Variants in CNTN4 observed in about 807,000 individuals in gnomAD.
CNTN4 encodes the protein contactin-4.
A neutral mutation model predicts 122.5 loss-of-function variants in CNTN4; 77 were observed. The ratio of observed to expected loss-of-function variants is 0.63; its 90% CI spans 0.52 to 0.76. The LOEUF is 0.76. Among genes scored for constraint, CNTN4 ranks in the 30% least tolerant of loss-of-function variants. CNTN4 has a pLI of 0.00. For synonymous variants in CNTN4, 512 were observed against 447.0 expected (o/e 1.15, Z -1.83); for missense variants, 1,256 against 1,259.1 (o/e 1.00, Z 0.04).
At chr3:2,215,472 C>T (rs1302978962) in intron 2 of CNTN4, among the ~76,000 whole-genome samples, 4 of 152,202 alleles carry the variant, frequency 2.6e-5, no homozygotes, top group Non-Finnish European at 5.9e-5. Flanking sequence ...TTCTCTAGGG[C>T]ATATTCCCAC....
chr3:2,616,638 CT>C (rs754312309), intron 4 of CNTN4, among the ~76,000 whole-genome samples: 1 of 152,094 alleles, frequency 6.6e-6, no homozygotes, highest in Non-Finnish European at 1.5e-5. Flanking sequence ...TCACCAGCGT[CT>C]ATTGTTTCTT....
intron 3 of CNTN4, among the ~76,000 whole-genome samples, chr3:2,501,915 G>T (rs974986603): frequency 6.6e-6 from 1 of 152,082 alleles, no homozygotes; most frequent in African/African-American, 2.4e-5. Context: ...CTTTCTGATG[G>T]TTCAGTGTAC....
At chr3:2,758,389 T>C (rs1047941272) in intron 6 of CNTN4, among the ~76,000 whole-genome samples, 4 of 152,132 alleles carry the variant, frequency 2.6e-5, no homozygotes, top group African/African-American at 9.7e-5. Context: ...TCTATTTCCT[T>C]AAACAAAGAA....
chr3:2,670,362 CT>C lies in CNTN4; in HGVS notation c.56-65849del, dbSNP rs1475341240. 1.1e-3 allele frequency among the ~76,000 whole-genome samples: 166 copies of C among 152,220 alleles called. 1 individual carries two copies. Among genetic ancestry groups the C allele is most frequent in the Middle Eastern group, 6.8e-3 (2 of 294 alleles). ...CATTATGTAATGGCCTTCTTTGTCTCTTTTGATCTTTGTTGGTTTAAAGTCT... is the reference window on the plus strand; with the variant it reads ...CATTATGTAATGGCCTTCTTTGTCTCTTTGATCTTTGTTGGTTTAAAGTCT... On this transcript the variant is annotated intron_variant, in intron 4 of 24. Transcript: ENST00000418658.
chr3:2,966,430 A>G (rs1692316244), intron 13 of CNTN4, among the ~76,000 whole-genome samples: 1 of 152,196 alleles, frequency 6.6e-6, no homozygotes, highest in Non-Finnish European at 1.5e-5. Flanking sequence ...GCTAAAAATT[A>G]AAACAATTGA....
chr3:2,677,472 C>CTA (rs1308902188), intron 4 of CNTN4, among the ~76,000 whole-genome samples: 1 of 32,220 alleles, frequency 3.1e-5, no homozygotes, highest in Admixed American at 3.5e-4. Context: ...ATCTATCCAT[C>CTA]TATCCATCTA....
At position 2,811,561 on chromosome 3, in the gene CNTN4, C is replaced by T. The variant is rs183074567; in HGVS notation, c.359-7925C>T. ...CTGCAAGCTCCACCTCCTGGGTTCA[C>T]GCCATTCTCCTGCCTCAGCGTCCCG... On this transcript the variant is annotated intron_variant, in intron 6 of 24. Transcript: ENST00000418658. Among the ~76,000 whole-genome samples the T allele has an allele frequency of 4.1e-3, 618 of 150,738 alleles. 7 individuals carry two copies. Among genetic ancestry groups the T allele is most frequent in the African/African-American group, 0.014 (593 of 41,066 alleles).
At chr3:2,494,192 G>A (rs1450595264) in intron 3 of CNTN4, among the ~76,000 whole-genome samples, 3 of 152,124 alleles carry the variant, frequency 2.0e-5, no homozygotes, top group African/African-American at 7.2e-5. Context: ...CAAGGCCTAA[G>A]GCACAGTCTC....
At chr3:2,270,570 A>G (rs1020582076) in intron 2 of CNTN4, among the ~76,000 whole-genome samples, 4 of 152,068 alleles carry the variant, frequency 2.6e-5, no homozygotes, top group Non-Finnish European at 4.4e-5. Flanking sequence ...ATTCTCAGAG[A>G]GATTTTGCAA....
At chr3:2,698,181 A>C (rs79748026) in intron 4 of CNTN4, among the ~76,000 whole-genome samples, 1 of 152,228 alleles carries the variant, frequency 6.6e-6, no homozygotes, top group South Asian at 2.1e-4. Flanking sequence ...AAGAGAACAT[A>C]CTATTTCATG....
At position 2,709,061 on chromosome 3, in the gene CNTN4, C is replaced by G. The variant is rs557282235; in HGVS notation, c.56-27154C>G. ...TCTTCTCAGATATCTCATAGACCAT[C>G]CCCCCTCTGCTGCCACTGAATTTCA... On this transcript the variant is annotated intron_variant, in intron 4 of 24. Coordinates refer to ENST00000418658, the MANE Select transcript of CNTN4 (RefSeq NM_175607.3). The surrounding 1 kb of genome is among the most constrained non-coding windows in gnomAD (Gnocchi z 5.0). Among the ~76,000 whole-genome samples the G allele has an allele frequency of 2.6e-5, 4 of 152,160 alleles. No individual in the cohort carries two copies. In the South Asian group the frequency reaches 8.3e-4, roughly 32 times the overall value.
intron 6 of CNTN4, among the ~76,000 whole-genome samples, chr3:2,753,002 T>C (rs13095468): frequency 0.6 from 91,246 of 152,092 alleles, 29,837 homozygotes; most frequent in Non-Finnish European, 0.73. Flanking sequence ...ATACTTCATT[T>C]TCTTGATCCA....
At chr3:2,917,269 A>T (rs1349418093) in intron 12 of CNTN4, among the ~76,000 whole-genome samples, 1 of 151,486 alleles carries the variant, frequency 6.6e-6, no homozygotes, top group Admixed American at 6.6e-5. Context: ...CAGCTTCGGC[A>T]TCAGAGGGAG....
intron 3 of CNTN4, among the ~76,000 whole-genome samples, chr3:2,543,347 C>T (rs370156272): frequency 9.9e-5 from 15 of 152,152 alleles, no homozygotes; most frequent in African/African-American, 2.9e-4. Context: ...AGAGGAAAAC[C>T]ATTTAATAAA....
At chr3:2,767,379 T>A (rs749795420) in intron 6 of CNTN4, among the ~76,000 whole-genome samples, 2 of 152,288 alleles carry the variant, frequency 1.3e-5, no homozygotes, top group South Asian at 4.1e-4. Flanking sequence ...GTAACAGCTC[T>A]CTCTCTCCTC....
intron 4 of CNTN4, among the ~76,000 whole-genome samples, chr3:2,716,351 A>G (rs1461046291): frequency 6.6e-6 from 1 of 151,306 alleles, no homozygotes; most frequent in Non-Finnish European, 1.5e-5. Flanking sequence ...TTATATTATT[A>G]TTATGGGATT....
At chr3:2,763,935 T>C (rs2090718096) in intron 6 of CNTN4, among the ~76,000 whole-genome samples, 1 of 152,116 alleles carries the variant, frequency 6.6e-6, no homozygotes, top group Non-Finnish European at 1.5e-5. Context: ...AGCTTTGTTA[T>C]TTTGCTTAGG....
rs931649322 is a variant in CNTN4, at chr3:2,709,192, C to A, written c.56-27023C>A. On this transcript the variant is annotated intron_variant, in intron 4 of 24. Transcript: ENST00000418658. This position sits in a 1 kb window ranked among gnomAD's most constrained non-coding sequence, Gnocchi z 5.0. ...CATATTGCATTTACAACAGACAAAA[C>A]CAAATTTTATTGGTAAAAATAACTA... 6.6e-6 allele frequency among the ~76,000 whole-genome samples: 1 copy of A among 152,020 alleles called. No individual in the cohort carries two copies. The highest frequency in any genetic ancestry group is 1.5e-5 in the Non-Finnish European group (1 of 68,004).
chr3:2,654,506 C>T (rs1322403599), intron 4 of CNTN4, among the ~76,000 whole-genome samples: 2 of 152,162 alleles, frequency 1.3e-5, no homozygotes, highest in African/African-American at 4.8e-5. Flanking sequence ...CCGTGTTTCT[C>T]TCTTTTCTCC....
Sources: gnomAD v4.1 joint callset for allele counts (sites outside exome capture counted in the v4.1 genomes callset) on GRCh38, gnomAD v4.1.1 for gene constraint, Gnocchi (gnomAD v3.1) non-coding constraint, MANE v1.5 for transcripts, NCBI Gene and HGNC (gene_info 2026-07-23, HGNC 2026-07-21) for gene names.